The following OPHN1 variants were observed in gnomAD, a reference collection of about 807,000 sequenced individuals.
OPHN1 encodes oligophrenin-1.
A neutral mutation model predicts 60.7 loss-of-function variants in OPHN1; 11 were observed. That is an observed-to-expected ratio of 0.18 (90% confidence interval 0.11 to 0.30). OPHN1 has a LOEUF of 0.30. OPHN1 is among the 10% of genes least tolerant of loss of function. OPHN1 has a pLI of 1.00. For synonymous variants in OPHN1, 226 were observed against 222.6 expected, an observed-to-expected ratio of 1.02 and a Z score of -0.14; for missense variants, 449 against 611.0, an observed-to-expected ratio of 0.73 and a Z score of 2.80.
chrX:68,086,835 G>C (rs1306590394), intron 19 of OPHN1, among the ~76,000 whole-genome samples: 1 of 111,347 alleles, frequency 9.0e-6, no homozygotes, highest in Non-Finnish European at 1.9e-5. Flanking sequence ...AACTCACTGG[G>C]GAGAAGACTA....
At chrX:68,085,034 T>C (rs2076990100) in intron 19 of OPHN1, among the ~76,000 whole-genome samples, 1 of 112,465 alleles carries the variant, frequency 8.9e-6, no homozygotes, top group Non-Finnish European at 1.9e-5. Flanking sequence ...TGTGGAAATA[T>C]TGGCAATTGC....
At chrX:68,143,350 C>CT (rs2077251054) in intron 15 of OPHN1, among the ~76,000 whole-genome samples, 1 of 111,687 alleles carries the variant, frequency 9.0e-6, no homozygotes, top group African/African-American at 3.3e-5. Flanking sequence ...TGAAACTATG[C>CT]TTGGTGGTAA....
chrX:68,247,553 C>G (rs1336167623), intron 5 of OPHN1, among the ~76,000 whole-genome samples: 2 of 111,192 alleles, frequency 1.8e-5, no homozygotes, highest in African/African-American at 6.5e-5. Flanking sequence ...ATATTCCTTT[C>G]AGTTGTAAAA....
chrX:68,194,924 C>T lies in OPHN1; in HGVS notation c.1105-426G>A, dbSNP rs183401578. The stretch of plus-strand genomic sequence containing the variant: ...TGGAGGCTGCAGTGAGCTGAGATCA[C>T]ACCACTGCACTCCAACCTGGGCAAC... On this transcript the variant is annotated intron_variant, in intron 12 of 24. Coordinates refer to ENST00000355520, the MANE Select transcript of OPHN1 (RefSeq NM_002547.3). 6.2e-3 allele frequency among the ~76,000 whole-genome samples: 643 copies of T among 104,292 alleles called. 7 individuals are homozygous for T. Among genetic ancestry groups the T allele is most frequent in the African/African-American group, 0.021 (606 of 28,372 alleles). The allele number at this position is 104,292 out of a possible 115,157, so 90.6% of individuals were successfully genotyped here.
chrX:68,239,502 C>G (rs1026139718), intron 5 of OPHN1, among the ~76,000 whole-genome samples: 1 of 111,548 alleles, frequency 9.0e-6, no homozygotes, highest in Non-Finnish European at 1.9e-5. Flanking sequence ...GAGCCCTAGC[C>G]AGGGACCGGG....
intron 2 of OPHN1, among the ~76,000 whole-genome samples, chrX:68,372,432 T>C (rs1344745212): frequency 9.0e-6 from 1 of 111,552 alleles, no homozygotes; most frequent in Non-Finnish European, 1.9e-5. Context: ...TACCGAAATA[T>C]GCCTCAGAAC....
intron 19 of OPHN1, among the ~76,000 whole-genome samples, chrX:68,083,365 C>T (rs1188078246): frequency 9.0e-6 from 1 of 110,852 alleles, no homozygotes; most frequent in African/African-American, 3.3e-5. Context: ...AGCCACCGCG[C>T]CCGGCCTCAA....
At chrX:68,077,585 T>G (rs1211077690) in intron 19 of OPHN1, among the ~76,000 whole-genome samples, 2 of 111,947 alleles carry the variant, frequency 1.8e-5, no homozygotes, top group Non-Finnish European at 3.8e-5. Flanking sequence ...GATGTCATTA[T>G]TCAAAAATAG....
intron 2 of OPHN1, among the ~76,000 whole-genome samples, chrX:68,325,385 T>C (rs2078255740): frequency 9.4e-6 from 1 of 106,732 alleles, no homozygotes; most frequent in African/African-American, 3.4e-5. Flanking sequence ...ATCTCTGATA[T>C]AGATGCACAT....
At chrX:68,422,618 G>GAA (rs569661418) in intron 2 of OPHN1, among the ~76,000 whole-genome samples, 12 of 81,889 alleles carry the variant, frequency 1.5e-4, no homozygotes, top group East Asian at 7.9e-4. Flanking sequence ...AAAAGAGAGA[G>GAA]AGAAAGAAAG....
At chrX:68,168,837 A>G (rs1402917999) in intron 15 of OPHN1, among the ~76,000 whole-genome samples, 2 of 111,687 alleles carry the variant, frequency 1.8e-5, no homozygotes, top group Non-Finnish European at 1.9e-5. Flanking sequence ...CACCAATCCC[A>G]CAGAAATACA....
chrX:68,282,283 C>T (rs1442161357), intron 4 of OPHN1, among the ~76,000 whole-genome samples: 2 of 111,546 alleles, frequency 1.8e-5, no homozygotes, highest in Non-Finnish European at 3.8e-5. Context: ...AAGTCAAATA[C>T]GCCAATCTGA....
chrX:68,228,436 C>G (rs1381828319), intron 6 of OPHN1, among the ~76,000 whole-genome samples: 1 of 108,014 alleles, frequency 9.3e-6, no homozygotes, highest in Admixed American at 9.7e-5. Context: ...GATACCAAAG[C>G]CTGGCAGAGA....
intron 15 of OPHN1, among the ~76,000 whole-genome samples, chrX:68,165,973 T>G (rs1309799497): frequency 8.9e-6 from 1 of 112,293 alleles, no homozygotes; most frequent in East Asian, 2.8e-4. Context: ...ACTCGAGGAA[T>G]TGTGTTTTAT....
At chrX:68,167,479 C>T (rs1337979223) in intron 15 of OPHN1, among the ~76,000 whole-genome samples, 1 of 109,954 alleles carries the variant, frequency 9.1e-6, no homozygotes, top group African/African-American at 3.3e-5. Context: ...CCATATAATC[C>T]AGCAATCAAA....
intron 15 of OPHN1, among the ~76,000 whole-genome samples, chrX:68,187,380 G>A (rs2077467312): frequency 9.1e-6 from 1 of 110,317 alleles, no homozygotes; most frequent in African/African-American, 3.3e-5. Context: ...AGCAGAAGAG[G>A]AAGGCAGAAG....
At chrX:68,125,296 G>A (rs990175616) in intron 15 of OPHN1, among the ~76,000 whole-genome samples, 3 of 111,239 alleles carry the variant, frequency 2.7e-5, no homozygotes, top group African/African-American at 9.8e-5. Flanking sequence ...AAAAGCAAGA[G>A]CAAACCAAAT....
intron 2 of OPHN1, among the ~76,000 whole-genome samples, chrX:68,394,103 G>A (rs1388645902): frequency 5.1e-3 from 442 of 86,246 alleles, no homozygotes; most frequent in Admixed American, 6.8e-3. Context: ...CACCGTGTTC[G>A]CCAGGATGGT....
chrX:68,420,028 G>A (rs1330495455), intron 2 of OPHN1, among the ~76,000 whole-genome samples: 1 of 111,103 alleles, frequency 9.0e-6, no homozygotes, highest in Non-Finnish European at 1.9e-5. Context: ...AGCCTTCACA[G>A]AATAGCACAT....
Sources: allele counts gnomAD v4.1 joint callset (sites outside exome capture counted in the v4.1 genomes callset), GRCh38; gene constraint gnomAD v4.1.1; transcripts MANE v1.5; gene names NCBI Gene and HGNC (gene_info 2026-07-23, HGNC 2026-07-21).